VAV1: variants seen among roughly 807,000 people sequenced by gnomAD.
VAV1 encodes proto-oncogene vav.
A neutral mutation model predicts 128.1 loss-of-function variants in VAV1; 33 were observed. The ratio of observed to expected loss-of-function variants is 0.26; its 90% CI spans 0.20 to 0.34. The LOEUF is 0.34. VAV1 is among the 10% of genes least tolerant of loss of function. The pLI is 1.00. For missense variants in VAV1, 715 were observed against 1,093.7 expected (o/e 0.65, Z 4.88); for synonymous variants, 394 against 409.8 (o/e 0.96, Z 0.47).
At chr19:6,791,156 A>C (rs1971008717) in intron 1 of VAV1, among the ~76,000 whole-genome samples, 1 of 152,246 alleles carries the variant, frequency 6.6e-6, no homozygotes, top group Non-Finnish European at 1.5e-5. Flanking sequence ...GGTCTTAAAT[A>C]TCTCCTCATC....
chr19:6,832,067 A>T (rs770680601), intron 14 of VAV1, 24 bp from the exon 15 acceptor site: 1 of 1,611,944 alleles, frequency 6.2e-7, no homozygotes, highest in East Asian at 2.2e-5. Flanking sequence ...CAGTGCCTTC[A>T]GTCTGAGCTC....
rs183585863 is a variant in VAV1 at position 6,850,775 on chromosome 19, C to T, written c.2217+18C>T. 69 of 1,613,120 alleles carry T rather than the reference C, an allele frequency of 4.3e-5. No homozygotes were observed. The East Asian group carries it at 1.3e-3, about 30-fold the overall frequency. ...GGCTTACGGTAAGGGTCAATGTCCG[C>T]TCAATCCCAGCTTTCCAGAACCTAG... On this transcript the variant is annotated intron_variant, in intron 24 of 26. Coordinates refer to ENST00000602142, the MANE Select transcript of VAV1 (RefSeq NM_005428.4).
chr19:6,810,462 G>A (rs183470941), intron 1 of VAV1, among the ~76,000 whole-genome samples: 335 of 152,250 alleles, frequency 2.2e-3, no homozygotes, highest in Middle Eastern at 6.8e-3. Flanking sequence ...CCAGCACTTT[G>A]AGAGGCAGAG....
chr19:6,841,951 C>T (rs1006275469), intron 21 of VAV1, among the ~76,000 whole-genome samples: 2 of 151,130 alleles, frequency 1.3e-5, no homozygotes, highest in African/African-American at 4.9e-5. Context: ...TTCGGCCGGG[C>T]GCGGTGGTTC....
intron 25 of VAV1, among the ~76,000 whole-genome samples, chr19:6,853,528 A>C (rs1339287587): frequency 6.6e-6 from 1 of 151,908 alleles, no homozygotes; most frequent in Non-Finnish European, 1.5e-5. Flanking sequence ...GTTCAAGACC[A>C]GCCTGGCCAA....
At chr19:6,839,322 T>C (rs1972312297) in intron 21 of VAV1, among the ~76,000 whole-genome samples, 1 of 152,182 alleles carries the variant, frequency 6.6e-6, no homozygotes, top group Non-Finnish European at 1.5e-5. Flanking sequence ...TTCTCTTTTT[T>C]CTTTTAAAAA....
At chr19:6,784,140 G>A in intron 1 of VAV1, 3 of 532,592 alleles carry the variant, frequency 5.6e-6, no homozygotes, top group East Asian at 3.0e-5. Flanking sequence ...TATAGTCTCA[G>A]CTACTCAGGA....
chr19:6,811,655 A>G (rs1165729931), intron 1 of VAV1, among the ~76,000 whole-genome samples: 1 of 152,148 alleles, frequency 6.6e-6, no homozygotes, highest in Non-Finnish European at 1.5e-5. Context: ...GCAGTCCTTT[A>G]TTCATCTCCC....
chr19:6,817,197 G>A (rs1177483257), intron 1 of VAV1, among the ~76,000 whole-genome samples: 5 of 151,658 alleles, frequency 3.3e-5, no homozygotes, highest in African/African-American at 9.7e-5. Context: ...ACAGGTGCCC[G>A]CCACCATGCC....
Position 6,814,671 on chromosome 19 carries a change from C to CCTTCCTTTCTTTCTTT in VAV1, c.205-6028_205-6027insCCTTTCTTTCTTTCTT. The stretch of plus-strand genomic sequence containing the variant: ...TCCTTCCTTCCTTCCTTCCTTCCTT[C>CCTTCCTTTCTTTCTTT]CTTTCTTTCTTTCTTTCTTTCTTTC... On this transcript the variant is annotated intron_variant, in intron 1 of 26. Transcript: ENST00000602142. Among the ~76,000 whole-genome samples, 76 of 25,784 alleles carry CCTTCCTTTCTTTCTTT rather than the reference C, an allele frequency of 2.9e-3. 1 individual carries two copies. Among genetic ancestry groups the CCTTCCTTTCTTTCTTT allele is most frequent in the Middle Eastern group, 0.022 (1 of 46 alleles). 16.9% of individuals were successfully genotyped at this position (25,784 alleles called of 152,430 possible). A position where few individuals can be genotyped will look rare whatever the true frequency, so the allele number is the denominator to read the frequency against.
At chr19:6,844,063 C>CTT (rs71177123) in intron 22 of VAV1, among the ~76,000 whole-genome samples, 3 of 21,322 alleles carry the variant, frequency 1.4e-4, no homozygotes, top group Non-Finnish European at 2.2e-4. Flanking sequence ...TCTTCTTCTT[C>CTT]TTTTTTTTTT....
intron 22 of VAV1, among the ~76,000 whole-genome samples, chr19:6,845,098 C>T (rs1024568841): frequency 2.0e-5 from 3 of 152,022 alleles, no homozygotes; most frequent in African/African-American, 4.8e-5. Flanking sequence ...AGGTGAAATT[C>T]GGCTGGGCGC....
At chr19:6,800,768 C>A (rs2436515) in intron 1 of VAV1, among the ~76,000 whole-genome samples, 120,224 of 150,748 alleles carry the variant, frequency 0.8, 48,675 homozygotes, top group East Asian at 0.94. Flanking sequence ...ATTACAGGCG[C>A]CTGTCACCAC....
intron 1 of VAV1, among the ~76,000 whole-genome samples, chr19:6,792,748 G>A (rs1335628119): frequency 1.3e-5 from 2 of 151,868 alleles, no homozygotes; most frequent in Non-Finnish European, 2.9e-5. Flanking sequence ...TGGGGCAGCA[G>A]TGGGGGCGAG....
intron 24 of VAV1, among the ~76,000 whole-genome samples, chr19:6,851,443 A>G (rs1003687199): frequency 3.9e-5 from 6 of 152,000 alleles, no homozygotes; most frequent in Non-Finnish European, 7.4e-5. Flanking sequence ...TGGCCTCCCA[A>G]AGTGTTGGGA....
Position 6,798,667 on chromosome 19 carries a change from C to G in VAV1, c.205-22035C>G, listed in dbSNP as rs1377046457. Among the ~76,000 whole-genome samples the G allele has an allele frequency of 2.6e-5, 4 of 151,088 alleles. No homozygotes were observed. In the East Asian group the frequency reaches 5.8e-4, roughly 22 times the overall value. Reference sequence around the variant, plus strand: ...GACCCTGTTTCTCCCCTTCCCCCCCCCACCCAAAAGAAGGGGGAAAAAAGA... The same window carrying G: ...GACCCTGTTTCTCCCCTTCCCCCCCGCACCCAAAAGAAGGGGGAAAAAAGA... On this transcript the variant is annotated intron_variant, in intron 1 of 26. Coordinates refer to ENST00000602142, the MANE Select transcript of VAV1 (RefSeq NM_005428.4).
Position 6,828,001 on chromosome 19 carries a change from T to G in VAV1, c.928-75T>G. On this transcript the variant is annotated intron_variant, in intron 9 of 26. Transcript: ENST00000602142. This position sits in a 1 kb window ranked among gnomAD's most constrained non-coding sequence, Gnocchi z 4.5. ...AGAGCTGCTCACGTATTTATTCAAA[T>G]CTATCTGCACCCACCCTGCAACTGG... 1.5e-6 allele frequency: 2 copies of G among 1,307,068 alleles called. No individual in the cohort carries two copies. The highest frequency in any genetic ancestry group is 2.2e-6 in the Non-Finnish European group (2 of 904,184). 81.0% of individuals were successfully genotyped at this position (1,307,068 alleles called of 1,614,324 possible).
In VAV1 at chr19:6,828,642, C is replaced by T; in HGVS notation, c.1113C>T (p.Asn371=). 6.2e-7 allele frequency: 1 copy of T among 1,614,038 alleles called. No homozygotes were observed. Among genetic ancestry groups the T allele is most frequent in the Non-Finnish European group, 8.5e-7 (1 of 1,179,994 alleles). The change falls in exon 12 of 27, where the codon AAC becomes AAT. Residue 371 remains asparagine (N), a synonymous_variant. Coordinates refer to ENST00000602142, the MANE Select transcript of VAV1 (RefSeq NM_005428.4). The surrounding 1 kb of genome is among the most constrained non-coding windows in gnomAD (Gnocchi z 4.5). ...CCCAGGACCTGGCTCAGTGCGTGAA[C>T]GAGGTCAAGCGAGACAACGAGACAC... ...DAMRDLAQCV[N]EVKRDNETLR...
At chr19:6,807,989 C>CAAAA (rs980612666) in intron 1 of VAV1, among the ~76,000 whole-genome samples, 7 of 52,266 alleles carry the variant, frequency 1.3e-4, no homozygotes, top group African/African-American at 4.1e-4. Context: ...GACTCTGTCT[C>CAAAA]AAAAAAAAAA....
Sources: allele counts gnomAD v4.1 joint callset (sites outside exome capture counted in the v4.1 genomes callset), GRCh38; gene constraint gnomAD v4.1.1; non-coding constraint Gnocchi (gnomAD v3.1); transcripts MANE v1.5; gene names NCBI Gene and HGNC (gene_info 2026-07-23, HGNC 2026-07-21).